Variants in RNF115 observed in about 807,000 individuals in gnomAD.
The protein encoded by RNF115 is E3 ubiquitin-protein ligase RNF115.
Under a neutral mutation model 39.2 loss-of-function variants are expected in RNF115, and 31 were observed. The ratio of observed to expected loss-of-function variants is 0.79; its 90% CI spans 0.59 to 1.07. The LOEUF (loss-of-function observed/expected upper bound fraction) is 1.07, where lower values mean the gene tolerates loss of function less well. Ranked by LOEUF, RNF115 falls within the 50% of genes least tolerant of loss-of-function variation. The pLI is 0.00. For missense variants in RNF115, 384 were observed against 381.7 expected (o/e 1.01, Z -0.05); for synonymous variants, 124 against 131.0 (o/e 0.95, Z 0.37).
chr1:145,782,893 G>A (rs587650385), intron 3 of RNF115, among the ~76,000 whole-genome samples: 11 of 152,248 alleles, frequency 7.2e-5, no homozygotes, highest in African/African-American at 1.9e-4. Context: ...ATGGAGTCTC[G>A]CTCTGTCACC....
intron 4 of RNF115, among the ~76,000 whole-genome samples, chr1:145,758,267 G>A (rs1486147481): frequency 6.6e-6 from 1 of 152,156 alleles, no homozygotes; most frequent in Non-Finnish European, 1.5e-5. Context: ...TAGCTGCCAA[G>A]TAATATGGAC....
At position 145,739,982 on chromosome 1, in the gene RNF115, A is replaced by G. The variant is rs1657641386; in HGVS notation, c.*6884T>C. ...CAGAATTGTTCTGAGAATCAAAATGAGAGTCTGGATTTGGGACCTAGAGCC... is the reference window on the plus strand; with the variant it reads ...CAGAATTGTTCTGAGAATCAAAATGGGAGTCTGGATTTGGGACCTAGAGCC... On this transcript the variant is annotated 3_prime_UTR_variant, in exon 9 of 9. Coordinates refer to ENST00000582693, the MANE Select transcript of RNF115 (RefSeq NM_014455.4). 6.6e-6 allele frequency: 1 copy of G among 152,174 alleles called. No individual in the cohort carries two copies. The highest frequency in any genetic ancestry group is 2.4e-5 in the African/African-American group (1 of 41,458). The allele number at this position is 152,174 out of a possible 1,614,324, so 9.4% of individuals were successfully genotyped here.
chr1:145,765,415 A>AT (rs1553714639), intron 4 of RNF115, among the ~76,000 whole-genome samples: 7 of 134,902 alleles, frequency 5.2e-5, no homozygotes, highest in Admixed American at 1.5e-4. Flanking sequence ...AGAATGATCA[A>AT]TAAAAAAAAA....
chr1:145,817,607 T>C (rs587653786), intron 1 of RNF115, among the ~76,000 whole-genome samples: 20 of 136,212 alleles, frequency 1.5e-4, no homozygotes, highest in African/African-American at 5.2e-4. Context: ...CTACACATAT[T>C]TTTTTTGATT....
chr1:145,793,908 A>G (rs1648805965), intron 1 of RNF115, among the ~76,000 whole-genome samples: 1 of 151,362 alleles, frequency 6.6e-6, no homozygotes, highest in African/African-American at 2.4e-5. Flanking sequence ...CAATGGCACA[A>G]TCTTGGCTCA....
chr1:145,821,457 CTTTTTTTTTTTTTTT>C (rs1172613737), intron 1 of RNF115, among the ~76,000 whole-genome samples: 1 of 47,522 alleles, frequency 2.1e-5, no homozygotes, highest in African/African-American at 5.8e-5. Context: ...TCTTCTCACT[CTTTTTTTTTTTTTTT>C]TTTTTTTTTT....
chr1:145,811,171 A>G (rs1285076358), intron 1 of RNF115, among the ~76,000 whole-genome samples: 1 of 152,134 alleles, frequency 6.6e-6, no homozygotes, highest in East Asian at 1.9e-4. Context: ...TGCCCAGTCC[A>G]TAATTTTAAT....
At chr1:145,789,777 T>C (rs1244214471) in intron 1 of RNF115, among the ~76,000 whole-genome samples, 1 of 142,734 alleles carries the variant, frequency 7.0e-6, no homozygotes, top group African/African-American at 2.6e-5. Flanking sequence ...TGGTGTGATC[T>C]CAGCTCACTG....
At chr1:145,812,241 ACAT>A (rs1649760124) in intron 1 of RNF115, among the ~76,000 whole-genome samples, 1 of 150,168 alleles carries the variant, frequency 6.7e-6, no homozygotes, top group Non-Finnish European at 1.5e-5. Flanking sequence ...AATCTGTACA[ACAT>A]CAAAGTGAGT....
chr1:145,814,683 G>A (rs1649901160), intron 1 of RNF115, among the ~76,000 whole-genome samples: 1 of 151,862 alleles, frequency 6.6e-6, no homozygotes, highest in African/African-American at 2.4e-5. Context: ...TCTGCAGTGA[G>A]TTCAATTTTC....
chr1:145,787,022 G>A (rs1553718166), intron 2 of RNF115: 1 of 1,265,030 alleles, frequency 7.9e-7, no homozygotes, highest in East Asian at 5.6e-5. Flanking sequence ...TGTAAAATGT[G>A]TAGTTTTTCC....
chr1:145,752,531 G>A (rs1436465917), intron 5 of RNF115, among the ~76,000 whole-genome samples: 7 of 149,486 alleles, frequency 4.7e-5, no homozygotes, highest in African/African-American at 1.7e-4. Context: ...GGGCTTAGCA[G>A]ATAATGGCAG....
chr1:145,764,998 G>A (rs1382120394), intron 4 of RNF115, among the ~76,000 whole-genome samples: 1 of 152,204 alleles, frequency 6.6e-6, no homozygotes, highest in Non-Finnish European at 1.5e-5. Context: ...AGGTGGGGAA[G>A]GGATAGAGAA....
At position 145,743,059 on chromosome 1, in the gene RNF115, G is replaced by A. The variant is rs1657732850; in HGVS notation, c.*3807C>T. 1 of 152,178 alleles carries A rather than the reference G, an allele frequency of 6.6e-6. No homozygotes were observed. The highest frequency in any genetic ancestry group is 1.5e-5 in the Non-Finnish European group (1 of 68,052). 9.4% of individuals were successfully genotyped at this position (152,178 alleles called of 1,614,324 possible). A position where few individuals can be genotyped will look rare whatever the true frequency, so the allele number is the denominator to read the frequency against. On this transcript the variant is annotated 3_prime_UTR_variant, in exon 9 of 9. Transcript: ENST00000582693. ...GGGATGAGGAGCACTCTGTATACAT[G>A]TATCATTTCTGTTTTTCCTCATTGT...
intron 1 of RNF115, among the ~76,000 whole-genome samples, chr1:145,822,313 C>A (rs1401500766): frequency 5.4e-5 from 7 of 130,398 alleles, no homozygotes; most frequent in South Asian, 2.6e-4. Flanking sequence ...GAGGCTGTCT[C>A]AAAAAAAAAA....
intron 3 of RNF115, among the ~76,000 whole-genome samples, chr1:145,775,715 G>C (rs1433254233): frequency 6.6e-6 from 1 of 151,990 alleles, no homozygotes; most frequent in Non-Finnish European, 1.5e-5. Flanking sequence ...TATTGTAACC[G>C]GGCGCAGTAG....
chr1:145,795,611 C>T (rs988835730), intron 1 of RNF115, among the ~76,000 whole-genome samples: 1 of 152,138 alleles, frequency 6.6e-6, no homozygotes, highest in African/African-American at 2.4e-5. Flanking sequence ...TCCAGAAGCT[C>T]AGCGGGCTTC....
intron 1 of RNF115, among the ~76,000 whole-genome samples, chr1:145,823,567 G>A (rs1224257271): frequency 2.6e-5 from 4 of 152,176 alleles, no homozygotes; most frequent in Non-Finnish European, 5.9e-5. Flanking sequence ...AGCAGCCCAG[G>A]ATGAATTAAG....
intron 1 of RNF115, among the ~76,000 whole-genome samples, chr1:145,794,202 A>T (rs1648826032): frequency 6.6e-6 from 1 of 152,178 alleles, no homozygotes; most frequent in Admixed American, 6.5e-5. Context: ...CCAATCTGAA[A>T]TCAAAAAAGA....
Sources: allele counts gnomAD v4.1 joint callset (sites outside exome capture counted in the v4.1 genomes callset), GRCh38; gene constraint gnomAD v4.1.1; transcripts MANE v1.5; gene names NCBI Gene and HGNC (gene_info 2026-07-23, HGNC 2026-07-21).